The following REEP1 variants were observed in gnomAD, a reference collection of about 807,000 sequenced individuals.
REEP1 encodes receptor expression-enhancing protein 1.
A neutral mutation model predicts 40.3 loss-of-function variants in REEP1; 22 were observed. The ratio of observed to expected loss-of-function variants is 0.55; its 90% CI spans 0.39 to 0.78. The LOEUF (loss-of-function observed/expected upper bound fraction) is 0.78, where lower values mean the gene tolerates loss of function less well. REEP1 is among the 30% of genes least tolerant of loss of function. The probability of loss-of-function intolerance (pLI) is 0.00; values close to 1 mark genes in which losing one functional copy is unlikely to be tolerated. For synonymous variants in REEP1, 116 were observed against 139.2 expected (o/e 0.83, Z 1.17); for missense variants, 280 against 361.1 (o/e 0.78, Z 1.82).
intron 1 of REEP1, among the ~76,000 whole-genome samples, chr2:86,304,191 C>A (rs917596401): frequency 6.6e-6 from 1 of 152,082 alleles, no homozygotes; most frequent in African/African-American, 2.4e-5. Flanking sequence ...CTCTTATGGT[C>A]TCCCAGGACT....
intron 1 of REEP1, among the ~76,000 whole-genome samples, chr2:86,303,341 T>C (rs1221573681): frequency 2.0e-5 from 3 of 147,620 alleles, no homozygotes; most frequent in Non-Finnish European, 3.0e-5. Context: ...CTCAGGCTCC[T>C]AAGCAGCTCA....
rs1674020800 is a variant in REEP1 at position 86,214,958 on chromosome 2, A to C, written c.*2081T>G. 1.3e-5 allele frequency: 2 copies of C among 152,276 alleles called. No individual in the cohort carries two copies. Among genetic ancestry groups the C allele is most frequent in the South Asian group, 4.1e-4 (2 of 4,820 alleles). The allele number at this position is 152,276 out of a possible 1,614,324, so 9.4% of individuals were successfully genotyped here. A position where few individuals can be genotyped will look rare whatever the true frequency, so the allele number is the denominator to read the frequency against. On this transcript the variant is annotated 3_prime_UTR_variant, in exon 9 of 9. Transcript: ENST00000538924. The stretch of plus-strand genomic sequence containing the variant: ...ATAGGTTGTTCACGATAGGATTTTA[A>C]ACTGCTGCTAAAGGCAATTTATTGT...
chr2:86,330,153 T>C (rs1680698293), intron 1 of REEP1, among the ~76,000 whole-genome samples: 1 of 152,106 alleles, frequency 6.6e-6, no homozygotes, highest in Admixed American at 6.5e-5. Flanking sequence ...ATATTTCTAG[T>C]GTAGAGATTG....
chr2:86,306,812 ATCAGTACTCTGTG>A (rs1476226649), intron 1 of REEP1, among the ~76,000 whole-genome samples: 1 of 152,098 alleles, frequency 6.6e-6, no homozygotes, highest in Non-Finnish European at 1.5e-5. Flanking sequence ...GGGGGAATAA[ATCAGTACTCTGTG>A]TGAAAAGCAA....
At chr2:86,337,771 G>T, upstream of REEP1, 1 of 795,328 alleles carries the variant, frequency 1.3e-6, no homozygotes. The surrounding 1 kb of genome is among the most constrained non-coding windows in gnomAD (Gnocchi z 5.8). Context: ...CCGCGGGCCC[G>T]CCCCGTCCCG....
At chr2:86,287,333 C>T (rs994491497) in intron 1 of REEP1, among the ~76,000 whole-genome samples, 5 of 152,126 alleles carry the variant, frequency 3.3e-5, no homozygotes, top group Admixed American at 1.3e-4. Context: ...AGTGATCCAC[C>T]CGCCTCAGCT....
intron 5 of REEP1, among the ~76,000 whole-genome samples, chr2:86,247,689 G>C (rs1307817026): frequency 6.6e-6 from 1 of 151,948 alleles, no homozygotes; most frequent in African/African-American, 2.4e-5. Flanking sequence ...TCCTGCCTCA[G>C]CCTTCCGAGT....
At chr2:86,326,179 T>TA (rs1680489508) in intron 1 of REEP1, among the ~76,000 whole-genome samples, 1 of 152,210 alleles carries the variant, frequency 6.6e-6, no homozygotes, top group Admixed American at 6.5e-5. Flanking sequence ...AGTGACTGGT[T>TA]ATGTGACCTC....
chr2:86,249,829 G>A (rs1676170910), intron 5 of REEP1, among the ~76,000 whole-genome samples: 1 of 151,970 alleles, frequency 6.6e-6, no homozygotes, highest in South Asian at 2.1e-4. Context: ...CAAAAATAGA[G>A]GGCATTATTT....
At chr2:86,217,189 G>A in intron 8 of REEP1, 79 bp from the exon 9 acceptor site, 1 of 1,241,126 alleles carries the variant, frequency 8.1e-7, no homozygotes, top group Non-Finnish European at 1.2e-6. Flanking sequence ...GGAAGGCATT[G>A]TGTTGAGACT....
At chr2:86,222,447 G>A (rs1674481174) in intron 7 of REEP1, among the ~76,000 whole-genome samples, 1 of 152,218 alleles carries the variant, frequency 6.6e-6, no homozygotes, top group Admixed American at 6.5e-5. Context: ...TAGTCACTGT[G>A]TCCGCTGAGC....
chr2:86,245,909 C>T (rs891652754), intron 5 of REEP1, among the ~76,000 whole-genome samples: 10 of 151,924 alleles, frequency 6.6e-5, no homozygotes, highest in Admixed American at 2.6e-4. Context: ...GGACTACAGG[C>T]GCCCGCCACC....
chr2:86,220,642 A>G (rs989058450), intron 7 of REEP1, among the ~76,000 whole-genome samples: 2 of 152,326 alleles, frequency 1.3e-5, no homozygotes, highest in East Asian at 3.9e-4. Context: ...TGTAAGAGAC[A>G]GGATATAAAA....
In REEP1 at chr2:86,215,067, T is replaced by C. The variant is rs1453632342; in HGVS notation, c.*1972A>G. On this transcript the variant is annotated 3_prime_UTR_variant, in exon 9 of 9. Coordinates refer to ENST00000538924, the MANE Select transcript of REEP1 (RefSeq NM_001371279.1). ...TTTTTGCATTCGTTTCTGATAATTCTGGGTACTTCCAACTAACAGGTAAAT... is the reference window on the plus strand; with the variant it reads ...TTTTTGCATTCGTTTCTGATAATTCCGGGTACTTCCAACTAACAGGTAAAT... 7 of 142,188 alleles carry C rather than the reference T, an allele frequency of 4.9e-5. No individual in the cohort carries two copies. Among genetic ancestry groups the C allele is most frequent in the African/African-American group, 1.5e-4 (6 of 38,980 alleles). 8.8% of individuals were successfully genotyped at this position (142,188 alleles called of 1,614,324 possible).
At chr2:86,234,469 G>A (rs559288802) in intron 5 of REEP1, among the ~76,000 whole-genome samples, 2 of 152,196 alleles carry the variant, frequency 1.3e-5, no homozygotes, top group Admixed American at 1.3e-4. Flanking sequence ...AGTGAGCCGG[G>A]ATCATACCAC....
intron 1 of REEP1, among the ~76,000 whole-genome samples, chr2:86,309,007 C>T (rs1679631538): frequency 6.6e-6 from 1 of 152,200 alleles, no homozygotes; most frequent in South Asian, 2.1e-4. Flanking sequence ...ACCCACCTCC[C>T]ACACTGTCAT....
Position 86,224,590 on chromosome 2 carries a change from G to A in REEP1, c.631+2773C>T, listed in dbSNP as rs565201378. 1.7e-3 allele frequency among the ~76,000 whole-genome samples: 266 copies of A among 152,290 alleles called. 1 individual carries two copies. Among genetic ancestry groups the A allele is most frequent in the African/African-American group, 6.2e-3 (256 of 41,552 alleles). Reference sequence around the variant, plus strand: ...GGTATTAAGAGGCCCTTGGAGAGGCGGAGGTCCAAGAAAGGAAGGGCTAGG... The same window carrying A: ...GGTATTAAGAGGCCCTTGGAGAGGCAGAGGTCCAAGAAAGGAAGGGCTAGG... On this transcript the variant is annotated intron_variant, in intron 7 of 8. Coordinates refer to ENST00000538924, the MANE Select transcript of REEP1 (RefSeq NM_001371279.1).
At chr2:86,327,567 A>AC (rs1372401393) in intron 1 of REEP1, among the ~76,000 whole-genome samples, 1 of 109,286 alleles carries the variant, frequency 9.2e-6, no homozygotes, top group African/African-American at 4.4e-5. Flanking sequence ...GGTCTATCTT[A>AC]CTTTTTTTTT....
At chr2:86,309,393 T>A (rs1157213964) in intron 1 of REEP1, among the ~76,000 whole-genome samples, 1 of 152,220 alleles carries the variant, frequency 6.6e-6, no homozygotes, top group Non-Finnish European at 1.5e-5. Context: ...AAGACCAACT[T>A]TGAAAGAAAT....
Sources: allele counts gnomAD v4.1 joint callset (sites outside exome capture counted in the v4.1 genomes callset), GRCh38; gene constraint gnomAD v4.1.1; non-coding constraint Gnocchi (gnomAD v3.1); transcripts MANE v1.5; gene names NCBI Gene and HGNC (gene_info 2026-07-23, HGNC 2026-07-21).